Variants in ZBTB44 observed in about 807,000 individuals in gnomAD.
The protein encoded by ZBTB44 is zinc finger and BTB domain containing 44.
Under a neutral mutation model 54.0 loss-of-function variants are expected in ZBTB44, and 15 were observed. That is an observed-to-expected ratio of 0.28 (90% confidence interval 0.19 to 0.43). The LOEUF is 0.43. Among genes scored for constraint, ZBTB44 ranks in the 20% least tolerant of loss-of-function variants. The pLI, the probability that ZBTB44 is intolerant of heterozygous loss-of-function variation, is 1.00. For synonymous variants in ZBTB44, 230 were observed against 250.1 expected, an observed-to-expected ratio of 0.92 and a Z score of 0.76; for missense variants, 487 against 707.1, an observed-to-expected ratio of 0.69 and a Z score of 3.53.
chr11:130,257,976 T>C (rs1001531465), intron 2 of ZBTB44, among the ~76,000 whole-genome samples: 2 of 152,188 alleles, frequency 1.3e-5, no homozygotes, highest in African/African-American at 2.4e-5. Flanking sequence ...TTGATCATCA[T>C]CCAAGCACAA....
At chr11:130,286,942 T>TG (rs1244800478) in intron 1 of ZBTB44, among the ~76,000 whole-genome samples, 1 of 152,218 alleles carries the variant, frequency 6.6e-6, no homozygotes, top group Non-Finnish European at 1.5e-5. Flanking sequence ...CTATCATTAT[T>TG]GACAGATCTC....
At chr11:130,242,344 T>C (rs143067183) in intron 2 of ZBTB44, among the ~76,000 whole-genome samples, 2 of 152,294 alleles carry the variant, frequency 1.3e-5, no homozygotes, top group African/African-American at 2.4e-5. Context: ...TTGTCTGATA[T>C]TTTACTTCTT....
chr11:130,244,124 C>T (rs1297240891), intron 2 of ZBTB44, among the ~76,000 whole-genome samples: 1 of 152,164 alleles, frequency 6.6e-6, no homozygotes, highest in African/African-American at 2.4e-5. Context: ...GCTTTCTCCC[C>T]TAATTTAACC....
At chr11:130,268,844 C>T (rs201469818) in intron 1 of ZBTB44, among the ~76,000 whole-genome samples, 17 of 150,934 alleles carry the variant, frequency 1.1e-4, no homozygotes, top group Non-Finnish European at 2.4e-4. Context: ...CCTCCCAAAG[C>T]GCTGGGATTA....
intron 1 of ZBTB44, among the ~76,000 whole-genome samples, chr11:130,291,318 T>C (rs1941292524): frequency 6.6e-6 from 1 of 152,134 alleles, no homozygotes; most frequent in South Asian, 2.1e-4. Context: ...TTTGTATTTT[T>C]AGTAGAGACA....
At chr11:130,276,434 T>TTA (rs1565670681) in intron 1 of ZBTB44, among the ~76,000 whole-genome samples, 1 of 150,802 alleles carries the variant, frequency 6.6e-6, no homozygotes, top group African/African-American at 2.5e-5. Context: ...TACGTTTCTT[T>TTA]TTTTTTTCTT....
rs139211428 is a variant in ZBTB44 at position 130,245,134 on chromosome 11, T to C, written c.1019-5238A>G. Among the ~76,000 whole-genome samples the C allele has an allele frequency of 3.2e-3, 484 of 152,320 alleles. 1 individual carries two copies. Among genetic ancestry groups the C allele is most frequent in the East Asian group, 9.8e-3 (51 of 5,178 alleles). ...TATGTGTGTTTACATTCATTCCCAATTGCACCCCCATTCTTTCTGGTCTCC... is the reference window on the plus strand; with the variant it reads ...TATGTGTGTTTACATTCATTCCCAACTGCACCCCCATTCTTTCTGGTCTCC... On this transcript the variant is annotated intron_variant, in intron 2 of 7. Coordinates refer to ENST00000357899, the MANE Select transcript of ZBTB44 (RefSeq NM_001301098.2).
intron 2 of ZBTB44, among the ~76,000 whole-genome samples, chr11:130,249,513 G>A (rs1376547559): frequency 6.6e-6 from 1 of 152,170 alleles, no homozygotes; most frequent in African/African-American, 2.4e-5. Flanking sequence ...CTGGCAAGAT[G>A]GCCGAATAGG....
intron 1 of ZBTB44, among the ~76,000 whole-genome samples, chr11:130,294,030 A>T (rs1415689352): frequency 6.6e-6 from 1 of 152,212 alleles, no homozygotes; most frequent in Non-Finnish European, 1.5e-5. Flanking sequence ...CATCAAGAGA[A>T]GATAAATTAA....
At position 130,272,701 on chromosome 11, in the gene ZBTB44, T is replaced by TC. The variant is rs1291210149; in HGVS notation, c.-56-10773dup. Among the ~76,000 whole-genome samples, 14 of 151,134 alleles carry TC rather than the reference T, an allele frequency of 9.3e-5. No individual in the cohort carries two copies. The East Asian group carries it at 2.7e-3, about 29-fold the overall frequency. On this transcript the variant is annotated intron_variant, in intron 1 of 7. Transcript: ENST00000357899. Reference sequence around the variant, plus strand: ...ATTTACTAATATCTTTTTTTTTTTTTCAAGGAGTTTTAAAGTTTCAGGCCT... The same window carrying TC: ...ATTTACTAATATCTTTTTTTTTTTTTCCAAGGAGTTTTAAAGTTTCAGGCCT...
At chr11:130,241,318 A>C (rs945403547) in intron 2 of ZBTB44, among the ~76,000 whole-genome samples, 2 of 152,246 alleles carry the variant, frequency 1.3e-5, no homozygotes, top group African/African-American at 4.8e-5. Context: ...TACTAAATTC[A>C]CATCACTGCT....
intron 2 of ZBTB44, among the ~76,000 whole-genome samples, chr11:130,241,915 T>C (rs1301718373): frequency 1.3e-5 from 2 of 152,332 alleles, no homozygotes; most frequent in African/African-American, 4.8e-5. Context: ...CATGTATAAA[T>C]ACATAGGTCT....
chr11:130,312,548 G>C (rs1370879963), intron 1 of ZBTB44, among the ~76,000 whole-genome samples: 1 of 152,152 alleles, frequency 6.6e-6, no homozygotes. Context: ...AATGACATTA[G>C]GAGGGCACAA....
In ZBTB44 at chr11:130,239,892, T is replaced by C; in HGVS notation, c.1023A>G (p.Ser341=). The C allele has an allele frequency of 6.2e-7, 1 of 1,609,602 alleles. No homozygotes were observed. Among genetic ancestry groups the C allele is most frequent in the Non-Finnish European group, 8.5e-7 (1 of 1,177,608 alleles). ...AGCCCTCAGAAACGCCTTCATCTAC[T>C]GAGCCTGTGAATAAGAGAAAGAGGA... ...LISPQSSSIG[S]VDEGVSEGLP... is the part of the protein sequence containing the mutation. The change falls in exon 3 of 8, where the codon TCA becomes TCG. Residue 341 remains serine, a synonymous_variant. Transcript: ENST00000357899.
intron 1 of ZBTB44, among the ~76,000 whole-genome samples, chr11:130,272,108 T>G (rs374112966): frequency 6.6e-6 from 1 of 151,192 alleles, no homozygotes; most frequent in East Asian, 2.0e-4. Context: ...GGTGGGCGCC[T>G]GTAATCCCAG....
At chr11:130,286,916 G>C (rs771626739) in intron 1 of ZBTB44, among the ~76,000 whole-genome samples, 35 of 152,210 alleles carry the variant, frequency 2.3e-4, no homozygotes, top group Non-Finnish European at 4.0e-4. Flanking sequence ...TGGTGCAGCA[G>C]TGATTAACAG....
chr11:130,301,165 A>G (rs1308129816), intron 1 of ZBTB44, among the ~76,000 whole-genome samples: 1 of 152,198 alleles, frequency 6.6e-6, no homozygotes, highest in Non-Finnish European at 1.5e-5. Flanking sequence ...AGCCTTAAAC[A>G]GGCGGAGGCC....
At chr11:130,312,937 C>A (rs1191349720) in intron 1 of ZBTB44, among the ~76,000 whole-genome samples, 2 of 152,314 alleles carry the variant, frequency 1.3e-5, no homozygotes, top group East Asian at 1.9e-4. Flanking sequence ...TAATTACACA[C>A]ATACAGAGAA....
At chr11:130,257,252 A>G (rs532501126) in intron 2 of ZBTB44, among the ~76,000 whole-genome samples, 3 of 151,912 alleles carry the variant, frequency 2.0e-5, no homozygotes, top group East Asian at 3.9e-4. Flanking sequence ...AAAAAAAAAA[A>G]AAAAAAAGAA....
Sources: allele counts gnomAD v4.1 joint callset (sites outside exome capture counted in the v4.1 genomes callset), GRCh38; gene constraint gnomAD v4.1.1; transcripts MANE v1.5; gene names NCBI Gene and HGNC (gene_info 2026-07-23, HGNC 2026-07-21).